The following PIP5K1B variants were observed in gnomAD, a reference collection of about 807,000 sequenced individuals.
The protein encoded by PIP5K1B is phosphatidylinositol 4-phosphate 5-kinase type-1 beta.
A neutral mutation model predicts 67.0 loss-of-function variants in PIP5K1B; 42 were observed. The ratio of observed to expected loss-of-function variants is 0.63; its 90% CI spans 0.49 to 0.81. The LOEUF (loss-of-function observed/expected upper bound fraction) is 0.81. Ranked by LOEUF, PIP5K1B falls within the 30% of genes least tolerant of loss-of-function variation. The pLI, the probability that PIP5K1B is intolerant of heterozygous loss-of-function variation, is 0.00. For synonymous variants in PIP5K1B, 214 were observed against 231.4 expected (o/e 0.92, Z 0.68); for missense variants, 459 against 646.3 (o/e 0.71, Z 3.14).
intron 14 of PIP5K1B, among the ~76,000 whole-genome samples, chr9:68,975,618 A>G (rs1006049866): frequency 1.3e-5 from 2 of 152,172 alleles, no homozygotes; most frequent in Admixed American, 6.5e-5. Flanking sequence ...CTGCCCTTAC[A>G]AAGTACCATG....
intron 2 of PIP5K1B, among the ~76,000 whole-genome samples, chr9:68,789,882 T>G (rs1831861929): frequency 6.6e-6 from 1 of 152,206 alleles, no homozygotes; most frequent in African/African-American, 2.4e-5. Flanking sequence ...CTGCTCTGCT[T>G]TACATATTTT....
rs748320210 is a variant in PIP5K1B at position 68,940,744 on chromosome 9, G to A, written c.1456G>A (p.Val486Ile). The A allele has an allele frequency of 3.7e-5, 59 of 1,613,580 alleles. No individual in the cohort carries two copies. The East Asian group carries it at 4.5e-4, about 12-fold the overall frequency. ...CACAATTTCATCTTCTTCCTTATAC[G>A]TCAATGAGCACTATCCACACGACAG... ...ATTISSSSLY[V>I]NEHYPHDRPT... is the part of the protein sequence containing the mutation. Residue 486 changes from valine to isoleucine, a missense_variant, in exon 14 of 16, where the codon GTC becomes ATC. Transcript: ENST00000265382.
chr9:68,743,018 A>C (rs1285831330), intron 2 of PIP5K1B, among the ~76,000 whole-genome samples: 1 of 152,096 alleles, frequency 6.6e-6, no homozygotes, highest in Non-Finnish European at 1.5e-5. Flanking sequence ...TCATTTGTTC[A>C]CTCACTCATC....
chr9:68,771,284 C>T (rs991011837), intron 2 of PIP5K1B, among the ~76,000 whole-genome samples: 1 of 152,168 alleles, frequency 6.6e-6, no homozygotes, highest in African/African-American at 2.4e-5. Flanking sequence ...TTACTAATTG[C>T]TTAATTTTAT....
At chr9:68,961,067 G>A (rs998711546) in intron 14 of PIP5K1B, among the ~76,000 whole-genome samples, 60 of 152,106 alleles carry the variant, frequency 3.9e-4, no homozygotes, top group African/African-American at 1.3e-3. Context: ...AATATTAGCC[G>A]GGCGCGGTGG....
chr9:68,965,251 A>G (rs1174516923), intron 14 of PIP5K1B, among the ~76,000 whole-genome samples: 6 of 152,262 alleles, frequency 3.9e-5, no homozygotes, highest in Non-Finnish European at 5.9e-5. Flanking sequence ...TATATAAGAT[A>G]CATATTCTAT....
chr9:68,831,430 G>A (rs1398642281), intron 4 of PIP5K1B, among the ~76,000 whole-genome samples: 1 of 152,170 alleles, frequency 6.6e-6, no homozygotes, highest in East Asian at 1.9e-4. Context: ...AACAGGTACA[G>A]AGAGGTTAAT....
At chr9:68,958,638 C>T (rs11144510) in intron 14 of PIP5K1B, among the ~76,000 whole-genome samples, 17,570 of 152,150 alleles carry the variant, frequency 0.12, 1,251 homozygotes, top group East Asian at 0.26. Flanking sequence ...CCTATTCAAT[C>T]GCATACTTAG....
At chr9:68,749,576 A>T (rs961834569) in intron 2 of PIP5K1B, among the ~76,000 whole-genome samples, 2 of 152,222 alleles carry the variant, frequency 1.3e-5, no homozygotes, top group Non-Finnish European at 2.9e-5. Flanking sequence ...ATAAGGTAAC[A>T]TGACCACCTG....
At chr9:68,911,492 C>T (rs987605751) in intron 8 of PIP5K1B, among the ~76,000 whole-genome samples, 2 of 151,866 alleles carry the variant, frequency 1.3e-5, no homozygotes, top group Admixed American at 6.6e-5. Flanking sequence ...GAAAAGTAGC[C>T]ATGAAGTATG....
chr9:68,939,254 C>T lies in PIP5K1B; in HGVS notation c.1358-1392C>T, dbSNP rs139442858. On this transcript the variant is annotated intron_variant, in intron 13 of 15. Coordinates refer to ENST00000265382, the MANE Select transcript of PIP5K1B (RefSeq NM_003558.4). The stretch of plus-strand genomic sequence containing the variant: ...GGGTCACCTTCCCAATGATGTGTGA[C>T]CTGAGACTGAGTCACTGGACAGATG... Among the ~76,000 whole-genome samples, 614 of 152,306 alleles carry T rather than the reference C, an allele frequency of 4.0e-3. 1 individual carries two copies. Among genetic ancestry groups the T allele is most frequent in the Non-Finnish European group, 6.6e-3 (447 of 68,030 alleles).
At chr9:68,922,388 G>A (rs1826447638) in intron 11 of PIP5K1B, among the ~76,000 whole-genome samples, 5 of 149,070 alleles carry the variant, frequency 3.4e-5, no homozygotes, top group Admixed American at 2.7e-4. Context: ...ACTTGAATCC[G>A]GGAGGCGGAG....
intron 2 of PIP5K1B, among the ~76,000 whole-genome samples, chr9:68,761,951 T>G (rs1480637818): frequency 6.6e-6 from 1 of 152,102 alleles, no homozygotes; most frequent in Non-Finnish European, 1.5e-5. Flanking sequence ...TTTCTGAGTT[T>G]TTAAAGTTTT....
At chr9:68,950,808 G>C (rs1828028341) in intron 14 of PIP5K1B, among the ~76,000 whole-genome samples, 1 of 152,332 alleles carries the variant, frequency 6.6e-6, no homozygotes, top group Admixed American at 6.5e-5. Flanking sequence ...TAATCCTTCT[G>C]TTACCTGTGG....
chr9:68,791,219 C>A (rs982406194), intron 2 of PIP5K1B, among the ~76,000 whole-genome samples: 15 of 152,182 alleles, frequency 9.9e-5, no homozygotes, highest in African/African-American at 3.4e-4. Context: ...TGGGATTCGG[C>A]AATCCATCTC....
At chr9:68,778,173 A>G (rs1027709229) in intron 2 of PIP5K1B, among the ~76,000 whole-genome samples, 9 of 152,208 alleles carry the variant, frequency 5.9e-5, no homozygotes, top group Non-Finnish European at 1.2e-4. Flanking sequence ...CCTTGATTCA[A>G]ATTGGTTCAG....
At chr9:68,958,610 A>G (rs1388257434) in intron 14 of PIP5K1B, among the ~76,000 whole-genome samples, 1 of 152,174 alleles carries the variant, frequency 6.6e-6, no homozygotes, top group Non-Finnish European at 1.5e-5. Flanking sequence ...ACTAGATATA[A>G]TTCTTTGCTT....
At chr9:68,956,396 G>A (rs142114335) in intron 14 of PIP5K1B, among the ~76,000 whole-genome samples, 105 of 152,310 alleles carry the variant, frequency 6.9e-4, no homozygotes, top group Non-Finnish European at 1.1e-3. Context: ...CTTGAACCCC[G>A]GAGGCAGAGG....
chr9:68,882,775 C>T (rs1214098885), intron 6 of PIP5K1B, among the ~76,000 whole-genome samples: 1 of 152,168 alleles, frequency 6.6e-6, no homozygotes, highest in East Asian at 1.9e-4. Context: ...TAGGGTCTGC[C>T]TTTACTTTTT....
Sources: allele counts gnomAD v4.1 joint callset (sites outside exome capture counted in the v4.1 genomes callset), GRCh38; gene constraint gnomAD v4.1.1; transcripts MANE v1.5; gene names NCBI Gene and HGNC (gene_info 2026-07-23, HGNC 2026-07-21).